The following PPM1H variants were observed in gnomAD, a reference collection of about 807,000 sequenced individuals.
PPM1H encodes protein phosphatase, Mg2+/Mn2+ dependent 1H.
Under a neutral mutation model 54.9 loss-of-function variants are expected in PPM1H, and 27 were observed. The observed-to-expected ratio is 0.49, with a 90% CI of 0.36 to 0.68. PPM1H has a LOEUF of 0.68. Ranked by LOEUF, PPM1H falls within the 30% of genes least tolerant of loss-of-function variation. The probability of loss-of-function intolerance (pLI) is 0.00; values close to 1 mark genes in which losing one functional copy is unlikely to be tolerated. For missense variants in PPM1H, 596 were observed against 667.8 expected (o/e 0.89, Z 1.19); for synonymous variants, 305 against 270.8 (o/e 1.13, Z -1.24).
rs12301569 is a variant in PPM1H at position 62,833,675 on chromosome 12, C to T, written c.246-1396G>A. Among the ~76,000 whole-genome samples, 1,039 of 152,212 alleles carry T rather than the reference C, an allele frequency of 6.8e-3. 13 individuals carry two copies. The highest frequency in any genetic ancestry group is 0.024 in the African/African-American group (983 of 41,516). ...TTGAGTGCCGCAAGATGTAAGCGAG[C>T]GTGTTTCAAAGCACACTTCTGCCAA... On this transcript the variant is annotated intron_variant, in intron 1 of 9. Transcript: ENST00000228705.
chr12:62,880,501 G>T (rs1428200971), intron 1 of PPM1H, among the ~76,000 whole-genome samples: 1 of 152,128 alleles, frequency 6.6e-6, no homozygotes, highest in African/African-American at 2.4e-5. Context: ...CACCATAAAG[G>T]CATGCACACT....
intron 4 of PPM1H, among the ~76,000 whole-genome samples, chr12:62,756,700 G>A (rs1028234642): frequency 2.6e-5 from 4 of 151,806 alleles, no homozygotes. Flanking sequence ...GGAAAAAGTA[G>A]GGGAGGGGAA....
chr12:62,884,205 A>G (rs147456060), intron 1 of PPM1H, among the ~76,000 whole-genome samples: 151 of 152,268 alleles, frequency 9.9e-4, no homozygotes, highest in African/African-American at 3.6e-3. Context: ...TATGAAGTAT[A>G]GACTGGGCAC....
intron 1 of PPM1H, among the ~76,000 whole-genome samples, chr12:62,879,620 G>C (rs1203490381): frequency 6.6e-6 from 1 of 152,110 alleles, no homozygotes; most frequent in African/African-American, 2.4e-5. Flanking sequence ...TGGGGTACGG[G>C]AGGTTGGGGG....
chr12:62,851,972 G>A (rs1052298168), intron 1 of PPM1H, among the ~76,000 whole-genome samples: 5 of 151,646 alleles, frequency 3.3e-5, no homozygotes, highest in Non-Finnish European at 7.4e-5. Flanking sequence ...GGTGGCTCAC[G>A]CCTGTAATCC....
chr12:62,660,027 G>A (rs1277715943), intron 9 of PPM1H, among the ~76,000 whole-genome samples: 1 of 152,206 alleles, frequency 6.6e-6, no homozygotes, highest in Non-Finnish European at 1.5e-5. Context: ...GGCCAAGGAA[G>A]GGCTAATAGA....
chr12:62,799,844 A>G (rs2076756380), intron 3 of PPM1H, among the ~76,000 whole-genome samples: 1 of 152,184 alleles, frequency 6.6e-6, no homozygotes, highest in African/African-American at 2.4e-5. Flanking sequence ...GATCTGGGCT[A>G]GGTCACCCCT....
At chr12:62,655,726 T>C (rs1438105561) in intron 9 of PPM1H, among the ~76,000 whole-genome samples, 1 of 152,124 alleles carries the variant, frequency 6.6e-6, no homozygotes, top group African/African-American at 2.4e-5. Flanking sequence ...GCCCGATGCT[T>C]CTGGAAGCTG....
At chr12:62,822,891 A>T (rs2076912928) in intron 2 of PPM1H, among the ~76,000 whole-genome samples, 1 of 152,202 alleles carries the variant, frequency 6.6e-6, no homozygotes, top group African/African-American at 2.4e-5. Context: ...AATAACTAAG[A>T]TCAGAACAAA....
At chr12:62,849,986 G>A (rs920559864) in intron 1 of PPM1H, among the ~76,000 whole-genome samples, 2 of 151,650 alleles carry the variant, frequency 1.3e-5, no homozygotes, top group Non-Finnish European at 2.9e-5. Flanking sequence ...TTTGAGACAG[G>A]GTCTCAGTCT....
At chr12:62,814,450 T>C (rs2076853872) in intron 2 of PPM1H, among the ~76,000 whole-genome samples, 1 of 152,022 alleles carries the variant, frequency 6.6e-6, no homozygotes, top group South Asian at 2.1e-4. Context: ...ACTCCTGGCC[T>C]CAAGTGACCC....
At chr12:62,712,483 G>A (rs551317311) in intron 6 of PPM1H, among the ~76,000 whole-genome samples, 13 of 152,322 alleles carry the variant, frequency 8.5e-5, no homozygotes, top group African/African-American at 2.9e-4. Flanking sequence ...CCATGAGGTA[G>A]GTCTGTGGCA....
chr12:62,781,788 C>A (rs997871902), intron 4 of PPM1H, among the ~76,000 whole-genome samples: 3 of 152,172 alleles, frequency 2.0e-5, no homozygotes, highest in African/African-American at 2.4e-5. Context: ...TGGCAAGTGG[C>A]CTGATGGGAA....
At chr12:62,744,536 T>C (rs887198313) in intron 4 of PPM1H, among the ~76,000 whole-genome samples, 1 of 150,512 alleles carries the variant, frequency 6.6e-6, no homozygotes, top group South Asian at 2.1e-4. Context: ...ATATAGTAAG[T>C]GAGAAAAGTA....
At chr12:62,774,249 A>T (rs1306236367) in intron 4 of PPM1H, among the ~76,000 whole-genome samples, 2 of 152,308 alleles carry the variant, frequency 1.3e-5, no homozygotes, top group East Asian at 3.9e-4. Context: ...TTGCTACGGG[A>T]CAAGATTGTG....
chr12:62,771,692 T>G (rs2076581029), intron 4 of PPM1H, among the ~76,000 whole-genome samples: 1 of 152,204 alleles, frequency 6.6e-6, no homozygotes, highest in Non-Finnish European at 1.5e-5. Context: ...TAACTAGCAT[T>G]TATTAGGTGC....
intron 1 of PPM1H, among the ~76,000 whole-genome samples, chr12:62,871,459 G>T (rs553169833): frequency 1.8e-4 from 27 of 151,752 alleles, no homozygotes; most frequent in Non-Finnish European, 3.7e-4. Flanking sequence ...TAGAATTAGT[G>T]GTAGTGGTTA....
At chr12:62,915,356 G>A (rs1871588631) in intron 1 of PPM1H, among the ~76,000 whole-genome samples, 1 of 152,246 alleles carries the variant, frequency 6.6e-6, no homozygotes, top group South Asian at 2.1e-4. Flanking sequence ...GAGTTCTGCT[G>A]TCTGCTCCAG....
chr12:62,757,293 G>C (rs1012816540), intron 4 of PPM1H, among the ~76,000 whole-genome samples: 3 of 152,136 alleles, frequency 2.0e-5, no homozygotes, highest in Non-Finnish European at 4.4e-5. Flanking sequence ...TCCTGTTTTT[G>C]CTGGGATTAG....
Sources: gnomAD v4.1 joint callset for allele counts (sites outside exome capture counted in the v4.1 genomes callset) on GRCh38, gnomAD v4.1.1 for gene constraint, MANE v1.5 for transcripts, NCBI Gene and HGNC (gene_info 2026-07-23, HGNC 2026-07-21) for gene names.